UNC79: variants seen among roughly 807,000 people sequenced by gnomAD.
UNC79 encodes the protein unc-79 subunit of NALCN channel complex.
A neutral mutation model predicts 283.1 loss-of-function variants in UNC79; 37 were observed. The observed-to-expected ratio is 0.13, with a 90% CI of 0.10 to 0.17. The LOEUF is 0.17. UNC79 is among the 10% of genes least tolerant of loss of function. UNC79 has a pLI of 1.00. For synonymous variants in UNC79, 1,107 were observed against 1,200.2 expected (o/e 0.92, Z 1.61); for missense variants, 2,272 against 3,211.1 (o/e 0.71, Z 7.07).
intron 30 of UNC79, among the ~76,000 whole-genome samples, chr14:93,625,531 C>T (rs565902193): frequency 1.0e-3 from 154 of 152,314 alleles, no homozygotes; most frequent in Non-Finnish European, 1.6e-3. Flanking sequence ...AGCTCAGCTG[C>T]TCACACCCAT....
chr14:93,420,422 A>G (rs1324380909), intron 1 of UNC79, among the ~76,000 whole-genome samples: 1 of 151,820 alleles, frequency 6.6e-6, no homozygotes, highest in Non-Finnish European at 1.5e-5. Context: ...TAGTAAATAT[A>G]TATGTACTCA....
intron 7 of UNC79, among the ~76,000 whole-genome samples, chr14:93,513,463 C>T (rs552173064): frequency 6.6e-6 from 1 of 152,246 alleles, no homozygotes; most frequent in Admixed American, 6.5e-5. Flanking sequence ...AAGTGATCCT[C>T]CTGCCTCAGC....
chr14:93,695,091 A>G (rs1223721811), intron 47 of UNC79, among the ~76,000 whole-genome samples: 1 of 152,190 alleles, frequency 6.6e-6, no homozygotes, highest in Non-Finnish European at 1.5e-5. Context: ...CACTCCGTTT[A>G]TCTTTCTGCC....
At chr14:93,543,354 A>T (rs1167626062) in intron 14 of UNC79, among the ~76,000 whole-genome samples, 2 of 151,096 alleles carry the variant, frequency 1.3e-5, no homozygotes, top group Non-Finnish European at 1.5e-5. Flanking sequence ...AGTGGATCAC[A>T]TCTGAGAAGA....
At chr14:93,662,678 G>A (rs764640273) in exon 40 of UNC79, 1 of 1,611,494 alleles carries the variant, frequency 6.2e-7, no homozygotes, top group Non-Finnish European at 8.5e-7. Context: ...CCTACCTGGT[G>A]GAGCTGTGTG....
intron 38 of UNC79, among the ~76,000 whole-genome samples, chr14:93,655,644 G>GAAAAAAAAAAAA (rs59172906): frequency 1.2e-5 from 1 of 81,742 alleles, no homozygotes; most frequent in Non-Finnish European, 2.6e-5. Flanking sequence ...CAGTTGATTT[G>GAAAAAAAAAAAA]AAAAAAAAAA....
chr14:93,595,673 A>T (rs1205585012), intron 23 of UNC79, among the ~76,000 whole-genome samples: 2 of 152,158 alleles, frequency 1.3e-5, no homozygotes, highest in Non-Finnish European at 2.9e-5. Flanking sequence ...AAATGCCGCC[A>T]TTGAGGTCCA....
At chr14:93,430,237 A>C (rs1402375667), upstream of UNC79, 1 of 152,922 alleles carries the variant, frequency 6.5e-6, no homozygotes, top group African/African-American at 2.4e-5. The surrounding 1 kb of genome is among the most constrained non-coding windows in gnomAD (Gnocchi z 4.6). Context: ...TCCTTCCTTC[A>C]GCCCCAACTT....
rs79770311 is a variant in UNC79 at position 93,585,544 on chromosome 14, C to T, written c.2804-1052C>T. Among the ~76,000 whole-genome samples the T allele has an allele frequency of 6.4e-3, 978 of 152,308 alleles. 6 individuals carry two copies. The highest frequency in any genetic ancestry group is 0.023 in the African/African-American group (939 of 41,554). On this transcript the variant is annotated intron_variant, in intron 20 of 48. Coordinates refer to ENST00000555664, the Ensembl canonical transcript of UNC79. ...AAAATACATTCAGGCGGAAGATTCCCAATGGACTTTTCAGTATCTAGATCA... is the reference window on the plus strand; with the variant it reads ...AAAATACATTCAGGCGGAAGATTCCTAATGGACTTTTCAGTATCTAGATCA...
chr14:93,357,699 A>ATATATATATATATATATATT (rs2054117922), intron 1 of UNC79, among the ~76,000 whole-genome samples: 1 of 118,130 alleles, frequency 8.5e-6, no homozygotes, highest in African/African-American at 4.1e-5. Context: ...ATATATATAT[A>ATATATATATATATATATATT]TATATATATA....
At chr14:93,643,470 A>G in intron 33 of UNC79, 87 bp from the exon 37 acceptor site, 3 of 1,601,382 alleles carry the variant, frequency 1.9e-6, no homozygotes, top group East Asian at 2.2e-5. Flanking sequence ...TCCAAGACCT[A>G]CTAAAAACAG....
intron 14 of UNC79, among the ~76,000 whole-genome samples, chr14:93,550,347 T>C (rs374037669): frequency 7.8e-4 from 118 of 152,062 alleles, no homozygotes; most frequent in African/African-American, 2.4e-3. Context: ...AAACCTCGTC[T>C]CTACTAAAAA....
intron 7 of UNC79, among the ~76,000 whole-genome samples, chr14:93,520,880 C>T (rs1400151403): frequency 6.6e-6 from 1 of 152,020 alleles, no homozygotes; most frequent in Non-Finnish European, 1.5e-5. Context: ...TCCACAGTTT[C>T]TGGGTTTGTT....
chr14:93,528,667 A>G, intron 9 of UNC79, 21 bp downstream of exon 9: 1 of 1,605,560 alleles, frequency 6.2e-7, no homozygotes, highest in African/African-American at 1.3e-5. Context: ...GAGTTCTTAA[A>G]GAAAAGGAAA....
intron 5 of UNC79, 143 bp downstream of exon 5, chr14:93,487,898 T>A: frequency 1.5e-6 from 1 of 669,532 alleles, no homozygotes; most frequent in Non-Finnish European, 2.4e-6. Context: ...GGAATCAATT[T>A]ATCTTGCCTA....
chr14:93,696,813 A>G (rs1392018989), intron 47 of UNC79, among the ~76,000 whole-genome samples: 1 of 152,058 alleles, frequency 6.6e-6, no homozygotes, highest in East Asian at 1.9e-4. Context: ...CATGCTTTTG[A>G]TGTTGTATTT....
intron 1 of UNC79, among the ~76,000 whole-genome samples, chr14:93,446,386 T>C (rs912153613): frequency 7.4e-6 from 1 of 135,156 alleles, no homozygotes; most frequent in Non-Finnish European, 1.6e-5. Flanking sequence ...TCTTTAGACA[T>C]GTGTGTGGTT....
chr14:93,692,620 G>A (rs1290709168), intron 46 of UNC79, among the ~76,000 whole-genome samples: 1 of 152,126 alleles, frequency 6.6e-6, no homozygotes, highest in East Asian at 1.9e-4. Flanking sequence ...AGAGCCTCAC[G>A]TTTTCAAGCT....
rs2141978558 is a variant in UNC79 at position 93,595,723 on chromosome 14, C to T, written c.3191-1636C>T. ...CCTGTGGAGAGTGGTTTATGTATCC[C>T]CGGATCTCCCATAGCATTTTATTTA... is the stretch of plus-strand genomic sequence containing the variant. On this transcript the variant is annotated intron_variant, in intron 23 of 48. Coordinates refer to ENST00000555664, the Ensembl canonical transcript of UNC79. Among the ~76,000 whole-genome samples, 2 of 152,274 alleles carry T rather than the reference C, an allele frequency of 1.3e-5. 1 individual carries two copies. The highest frequency in any genetic ancestry group is 4.8e-5 in the African/African-American group (2 of 41,556).
Sources: allele counts gnomAD v4.1 joint callset (sites outside exome capture counted in the v4.1 genomes callset), GRCh38; gene constraint gnomAD v4.1.1; non-coding constraint Gnocchi (gnomAD v3.1); transcripts MANE v1.5; gene names NCBI Gene and HGNC (gene_info 2026-07-23, HGNC 2026-07-21).